Variants in EFHB observed in about 807,000 individuals in gnomAD.
EFHB encodes EF-hand domain family member B.
In EFHB, 91 loss-of-function variants were observed where a neutral mutation model predicts 87.2. The ratio of observed to expected loss-of-function variants is 1.04; its 90% CI spans 0.88 to 1.24. EFHB has a LOEUF of 1.24. Ranked by LOEUF, EFHB falls within the 50% of genes most tolerant of loss-of-function variation. EFHB has a pLI of 0.00. For synonymous variants in EFHB, 325 were observed against 333.6 expected (o/e 0.97, Z 0.28); for missense variants, 1,084 against 998.8 (o/e 1.09, Z -1.15).
intron 1 of EFHB, among the ~76,000 whole-genome samples, chr3:19,930,852 G>C (rs1304488390): frequency 2.6e-5 from 4 of 152,216 alleles, no homozygotes; most frequent in African/African-American, 9.7e-5. Flanking sequence ...CCTGCTGCCT[G>C]CTGGGCGTGG....
In EFHB at chr3:19,891,383, T is replaced by C. The variant is rs180800662; in HGVS notation, c.1726-2732A>G. On this transcript the variant is annotated intron_variant, in intron 9 of 12. Transcript: ENST00000295824. ...GAAGTGATCCTTTAGAAAAAAAAAATTATTCACCACTCTGTCACCTGAAGC... is the reference window on the plus strand; with the variant it reads ...GAAGTGATCCTTTAGAAAAAAAAAACTATTCACCACTCTGTCACCTGAAGC... 3.4e-3 allele frequency among the ~76,000 whole-genome samples: 516 copies of C among 149,732 alleles called. 4 individuals are homozygous for C. Among genetic ancestry groups the C allele is most frequent in the African/African-American group, 0.012 (485 of 40,538 alleles).
intron 1 of EFHB, among the ~76,000 whole-genome samples, chr3:19,939,396 T>TTTTC (rs1696099753): frequency 7.9e-6 from 1 of 126,234 alleles, no homozygotes. Context: ...TTTTTTTTTT[T>TTTTC]TTTTGGGATG....
chr3:19,918,082 G>A, intron 4 of EFHB, 150 bp downstream of exon 4: 1 of 928,068 alleles, frequency 1.1e-6, no homozygotes, highest in Non-Finnish European at 1.6e-6. Flanking sequence ...TTGGTTCTGA[G>A]AGTAACTTTC....
rs1422444505 is a variant in EFHB, at chr3:19,912,435, C to T, written c.1288+2868G>A. On this transcript the variant is annotated intron_variant, in intron 5 of 12. Coordinates refer to ENST00000295824, the MANE Select transcript of EFHB (RefSeq NM_144715.4). ...CAGAGGGATTTCATAAATACCAGACCTGTCCTACAAGAAATGCTTAAGGGA... is the reference window on the plus strand; with the variant it reads ...CAGAGGGATTTCATAAATACCAGACTTGTCCTACAAGAAATGCTTAAGGGA... Among the ~76,000 whole-genome samples the T allele has an allele frequency of 2.6e-5, 4 of 152,038 alleles. No homozygotes were observed. In the East Asian group the frequency reaches 5.8e-4, roughly 22 times the overall value.
At chr3:19,934,489 T>C (rs899425179), upstream of EFHB, among the ~76,000 whole-genome samples, 4 of 150,402 alleles carry the variant, frequency 2.7e-5, no homozygotes, top group Non-Finnish European at 5.9e-5. Context: ...TCCTCTCTCC[T>C]TTCTCCCTCT....
rs1207215849 is a variant in EFHB, at chr3:19,934,074, C to T, written c.-56G>A. On this transcript the variant is annotated 5_prime_UTR_variant, in exon 1 of 13. Coordinates refer to ENST00000295824, the MANE Select transcript of EFHB (RefSeq NM_144715.4). ...AGAGCGCTCATCTCTAAGGGGAAAGCTGTACCTGGCTACAAAGACGCCTCC... is the reference window on the plus strand; with the variant it reads ...AGAGCGCTCATCTCTAAGGGGAAAGTTGTACCTGGCTACAAAGACGCCTCC... 2 of 1,521,128 alleles carry T rather than the reference C, an allele frequency of 1.3e-6. No homozygotes were observed. The highest frequency in any genetic ancestry group is 1.8e-6 in the Non-Finnish European group (2 of 1,136,186). 94.2% of individuals were successfully genotyped at this position (1,521,128 alleles called of 1,614,324 possible).
chr3:19,924,863 A>C (rs1322052573), intron 1 of EFHB, among the ~76,000 whole-genome samples: 1 of 152,084 alleles, frequency 6.6e-6, no homozygotes, highest in Non-Finnish European at 1.5e-5. Context: ...CTAAAACTTA[A>C]AGTATAATAA....
chr3:19,904,061 CA>C (rs1164905320), intron 6 of EFHB, among the ~76,000 whole-genome samples: 1 of 152,116 alleles, frequency 6.6e-6, no homozygotes, highest in Non-Finnish European at 1.5e-5. Context: ...ACAAAATAGG[CA>C]AGAGTGAGGC....
chr3:19,910,650 C>T (rs912527015), intron 5 of EFHB, among the ~76,000 whole-genome samples: 1 of 152,140 alleles, frequency 6.6e-6, no homozygotes, highest in Non-Finnish European at 1.5e-5. Context: ...TTGGGTGAGA[C>T]CAAATGCTAC....
At chr3:19,879,828 A>C (rs371872464) in intron 12 of EFHB, 24 bp from the exon 13 acceptor site, 2 of 1,546,018 alleles carry the variant, frequency 1.3e-6, no homozygotes, top group Non-Finnish European at 1.7e-6. Context: ...TTTAAAATAG[A>C]CCATGATTTA....
intron 1 of EFHB, among the ~76,000 whole-genome samples, chr3:19,931,456 G>T (rs555300904): frequency 6.6e-6 from 1 of 152,152 alleles, no homozygotes; most frequent in Non-Finnish European, 1.5e-5. Context: ...AATGGGAACC[G>T]GTGTGGTCAA....
chr3:19,884,647 A>G, intron 10 of EFHB, 32 bp from the exon 11 acceptor site: 1 of 1,593,976 alleles, frequency 6.3e-7, no homozygotes, highest in Non-Finnish European at 8.6e-7. Context: ...GAAAAAATGC[A>G]GGAATACATT....
chr3:19,905,122 T>A (rs1694796715), intron 6 of EFHB, among the ~76,000 whole-genome samples: 1 of 152,214 alleles, frequency 6.6e-6, no homozygotes, highest in Admixed American at 6.5e-5. Flanking sequence ...ACAGGATGGT[T>A]ATTCATGCCT....
chr3:19,931,228 G>C (rs1041687647), intron 1 of EFHB, among the ~76,000 whole-genome samples: 1 of 152,166 alleles, frequency 6.6e-6, no homozygotes, highest in Non-Finnish European at 1.5e-5. Flanking sequence ...ATTACAGCTA[G>C]TGCCACTGCA....
intron 9 of EFHB, among the ~76,000 whole-genome samples, chr3:19,890,982 A>G (rs1694287203): frequency 6.6e-6 from 1 of 152,226 alleles, no homozygotes; most frequent in Non-Finnish European, 1.5e-5. Flanking sequence ...TGTCAAATGG[A>G]AATGGCATAT....
At chr3:19,945,719 G>T (rs1696259675) in intron 1 of EFHB, among the ~76,000 whole-genome samples, 1 of 152,142 alleles carries the variant, frequency 6.6e-6, no homozygotes, top group Non-Finnish European at 1.5e-5. Context: ...AACTCCTTGA[G>T]AATAAAATGC....
At chr3:19,901,590 G>T (rs1454437578) in intron 6 of EFHB, among the ~76,000 whole-genome samples, 3 of 152,124 alleles carry the variant, frequency 2.0e-5, no homozygotes, top group African/African-American at 7.2e-5. Context: ...AAGAATGTAG[G>T]TGGAGTCAGA....
chr3:19,896,617 C>A, intron 9 of EFHB, 70 bp downstream of exon 9: 8 of 1,603,772 alleles, frequency 5.0e-6, no homozygotes, highest in Non-Finnish European at 6.8e-6. Flanking sequence ...TTTGCTGACC[C>A]CTGATCTACA....
At chr3:19,915,978 C>A (rs960996911) in intron 4 of EFHB, among the ~76,000 whole-genome samples, 9 of 149,912 alleles carry the variant, frequency 6.0e-5, no homozygotes, top group Admixed American at 4.0e-4. Flanking sequence ...ACTTTCATCT[C>A]AAAAAAAAAC....
Sources: allele counts gnomAD v4.1 joint callset (sites outside exome capture counted in the v4.1 genomes callset), GRCh38; gene constraint gnomAD v4.1.1; transcripts MANE v1.5; gene names NCBI Gene and HGNC (gene_info 2026-07-23, HGNC 2026-07-21).